The following CACNA1D variants were observed in gnomAD, a reference collection of about 807,000 sequenced individuals.
CACNA1D encodes the protein voltage-dependent L-type calcium channel subunit alpha-1D.
In CACNA1D, 55 loss-of-function variants were observed where a neutral mutation model predicts 257.1. The observed-to-expected ratio is 0.21, with a 90% CI of 0.17 to 0.27. The LOEUF (loss-of-function observed/expected upper bound fraction) is 0.27, where lower values mean the gene tolerates loss of function less well. Ranked by LOEUF, CACNA1D falls within the 10% of genes least tolerant of loss-of-function variation. CACNA1D has a pLI of 1.00. For synonymous variants in CACNA1D, 980 were observed against 1,014.9 expected (o/e 0.97, Z 0.65); for missense variants, 1,876 against 2,784.0 (o/e 0.67, Z 7.34).
chr3:53,544,442 T>C (rs560460053), intron 3 of CACNA1D, among the ~76,000 whole-genome samples: 2 of 147,010 alleles, frequency 1.4e-5, no homozygotes, highest in African/African-American at 5.0e-5. Flanking sequence ...TGGGGCTGGC[T>C]CCCACCCAGA....
chr3:53,585,742 G>A (rs2093204062), intron 3 of CACNA1D, among the ~76,000 whole-genome samples: 1 of 152,090 alleles, frequency 6.6e-6, no homozygotes, highest in African/African-American at 2.4e-5. Flanking sequence ...TATTGGGAGG[G>A]GCTGGTCCAC....
chr3:53,586,455 G>A (rs187959230), intron 3 of CACNA1D, among the ~76,000 whole-genome samples: 326 of 150,438 alleles, frequency 2.2e-3, no homozygotes, highest in Non-Finnish European at 4.0e-3. Flanking sequence ...TTTTTTTGTG[G>A]CACCCTACAG....
intron 43 of CACNA1D, 148 bp from the exon 44 acceptor site, chr3:53,803,275 G>A (rs766710076): frequency 5.5e-5 from 45 of 824,828 alleles, no homozygotes; most frequent in South Asian, 4.0e-4. Context: ...GCCAGAAGCC[G>A]GAACAGTCCA....
chr3:53,745,442 T>C (rs955096442), intron 23 of CACNA1D, among the ~76,000 whole-genome samples, 182 bp from the exon 24 acceptor site: 9 of 152,130 alleles, frequency 5.9e-5, no homozygotes, highest in Non-Finnish European at 1.3e-4. Flanking sequence ...GGTTTCACCA[T>C]GTTGGCCAGG....
chr3:53,662,740 GCAATAAAGTATA>G (rs1211832415), intron 5 of CACNA1D, among the ~76,000 whole-genome samples: 4 of 152,198 alleles, frequency 2.6e-5, no homozygotes, highest in African/African-American at 9.7e-5. Context: ...GGAGCGGAAT[GCAATAAAGTATA>G]CATGTTCACA....
At chr3:53,545,764 G>A (rs902798792) in intron 3 of CACNA1D, among the ~76,000 whole-genome samples, 3 of 152,288 alleles carry the variant, frequency 2.0e-5, no homozygotes, top group Non-Finnish European at 4.4e-5. Flanking sequence ...CAAAGCAATT[G>A]GGATTCAGGG....
At chr3:53,640,880 G>A (rs955636557) in intron 3 of CACNA1D, among the ~76,000 whole-genome samples, 1 of 152,160 alleles carries the variant, frequency 6.6e-6, no homozygotes, top group Non-Finnish European at 1.5e-5. Context: ...GGGGGATGGG[G>A]GTTAGAAGCA....
chr3:53,741,603 C>T (rs1024849480), intron 21 of CACNA1D, among the ~76,000 whole-genome samples: 3 of 152,190 alleles, frequency 2.0e-5, no homozygotes, highest in African/African-American at 7.2e-5. Flanking sequence ...GTTGACACTT[C>T]TCCTAAGTCA....
At chr3:53,760,464 A>C (rs2095294756) in intron 29 of CACNA1D, among the ~76,000 whole-genome samples, 1 of 152,132 alleles carries the variant, frequency 6.6e-6, no homozygotes, top group South Asian at 2.1e-4. Flanking sequence ...ATTTTATATA[A>C]TATGTACCTG....
chr3:53,780,228 G>A (rs568984322), intron 38 of CACNA1D, 100 bp downstream of exon 38: 7 of 961,798 alleles, frequency 7.3e-6, no homozygotes, highest in Non-Finnish European at 1.2e-5. Flanking sequence ...GCCAAGGGGA[G>A]GCCCTGGGGA....
chr3:53,562,491 T>G (rs2092757487), intron 3 of CACNA1D, among the ~76,000 whole-genome samples: 1 of 152,230 alleles, frequency 6.6e-6, no homozygotes, highest in African/African-American at 2.4e-5. Context: ...ACTTTTATTT[T>G]TTTAAAGCTG....
At chr3:53,717,831 C>G (rs974581491) in intron 9 of CACNA1D, among the ~76,000 whole-genome samples, 1 of 152,186 alleles carries the variant, frequency 6.6e-6, no homozygotes. Context: ...CTTCCCCATT[C>G]ACAATAGCTC....
At chr3:53,726,034 A>T (rs1337771503) in intron 14 of CACNA1D, among the ~76,000 whole-genome samples, 2 of 152,190 alleles carry the variant, frequency 1.3e-5, no homozygotes, top group African/African-American at 4.8e-5. Flanking sequence ...TTGTAATTTC[A>T]TAGGTATAAT....
chr3:53,720,105 T>C (rs2094866177), intron 11 of CACNA1D, among the ~76,000 whole-genome samples: 1 of 152,246 alleles, frequency 6.6e-6, no homozygotes, highest in Non-Finnish European at 1.5e-5. Context: ...AGAAAGGGAG[T>C]TCAAGAAGTC....
At chr3:53,590,568 A>G (rs1193809651) in intron 3 of CACNA1D, among the ~76,000 whole-genome samples, 1 of 152,236 alleles carries the variant, frequency 6.6e-6, no homozygotes, top group East Asian at 1.9e-4. Flanking sequence ...GAAAGCTTTT[A>G]TCAGCATGAG....
intron 30 of CACNA1D, among the ~76,000 whole-genome samples, chr3:53,764,753 G>A (rs927374875): frequency 2.0e-5 from 3 of 152,246 alleles, no homozygotes; most frequent in Admixed American, 2.0e-4. Flanking sequence ...AGTCAGGAAA[G>A]GGGCAGGTCT....
chr3:53,616,577 T>G (rs2093639486), intron 3 of CACNA1D, among the ~76,000 whole-genome samples: 1 of 152,212 alleles, frequency 6.6e-6, no homozygotes, highest in African/African-American at 2.4e-5. Context: ...CCCCCTGACC[T>G]AATGCTGTGC....
rs193137159 is a variant in CACNA1D at position 53,800,690 on chromosome 3, G to A, written c.5040+325G>A. The A allele has an allele frequency of 4.0e-4, 196 of 491,774 alleles. No homozygotes were observed. The highest frequency in any genetic ancestry group is 3.9e-3 in the Admixed American group (118 of 30,380). 30.5% of individuals were successfully genotyped at this position (491,774 alleles called of 1,614,324 possible). A position where few individuals can be genotyped will look rare whatever the true frequency, so the allele number is the denominator to read the frequency against. On this transcript the variant is annotated intron_variant, in intron 41 of 47. Transcript: ENST00000350061. The surrounding 1 kb of genome is among the most constrained non-coding windows in gnomAD (Gnocchi z 4.3). ...TGCCTTTGCTACCCTCCTCCTTCCC[G>A]GGCCAGCTCTTTGATCTGCCAGCTG...
chr3:53,654,409 G>A (rs1009083558), intron 4 of CACNA1D, among the ~76,000 whole-genome samples: 1 of 152,184 alleles, frequency 6.6e-6, no homozygotes, highest in African/African-American at 2.4e-5. Flanking sequence ...GACAATGGTA[G>A]CATGAAGAAT....
Sources: allele counts gnomAD v4.1 joint callset (sites outside exome capture counted in the v4.1 genomes callset), GRCh38; gene constraint gnomAD v4.1.1; non-coding constraint Gnocchi (gnomAD v3.1); transcripts MANE v1.5; gene names NCBI Gene and HGNC (gene_info 2026-07-23, HGNC 2026-07-21).